The following NAA38 variants were observed in gnomAD, a reference collection of about 807,000 sequenced individuals.
The protein encoded by NAA38 is N-alpha-acetyltransferase 38, NatC auxiliary subunit, also known as LSM domain containing 1.
A neutral mutation model predicts 12.6 loss-of-function variants in NAA38; 15 were observed. The observed-to-expected ratio is 1.19, with a 90% CI of 0.79 to 1.83. NAA38 has a LOEUF of 1.83. NAA38 is among the 40% of genes most tolerant of loss of function. The pLI, the probability that NAA38 is intolerant of heterozygous loss-of-function variation, is 0.00. For missense variants in NAA38, 183 were observed against 171.7 expected (o/e 1.07, Z -0.37); for synonymous variants, 88 against 69.9 (o/e 1.26, Z -1.29).
chr17:7,877,512 G>C (rs1426413119), intron 2 of NAA38, among the ~76,000 whole-genome samples: 1 of 151,792 alleles, frequency 6.6e-6, no homozygotes. Context: ...CTGAGAACAT[G>C]TGCCCCAGTA....
rs1289891586 is a variant in NAA38, at chr17:7,857,469, C to T, written c.-6G>A. 9.2e-6 allele frequency: 14 copies of T among 1,525,958 alleles called. No homozygotes were observed. The highest frequency in any genetic ancestry group is 2.2e-5 in the Admixed American group (1 of 44,756). The allele number at this position is 1,525,958 out of a possible 1,614,324, so 94.5% of individuals were successfully genotyped here. A position where few individuals can be genotyped will look rare whatever the true frequency, so the allele number is the denominator to read the frequency against. ...GTCGGTCCAGCTCCGGCCATTTGCC[C>T]GGAGGCCTCCTCTGGGCCTTTCAAC... On this transcript the variant is annotated 5_prime_UTR_variant, in exon 1 of 3. Transcript: ENST00000575771.
chr17:7,858,704 G>A (rs780850227), upstream of NAA38: 12 of 1,611,050 alleles, frequency 7.4e-6, no homozygotes, highest in Middle Eastern at 1.6e-4. Context: ...GTTCGGACTG[G>A]GCCAACGATT....
upstream of NAA38, chr17:7,885,344 C>CCGCCGCCGCCGCCGCCGCCGCCGA (rs1967714798): frequency 2.2e-5 from 4 of 180,378 alleles, no homozygotes; most frequent in South Asian, 6.4e-4. Context: ...GCCGCCGCCG[C>CCGCCGCCGCCGCCGCCGCCGCCGA]CACCCCGGCT....
intron 2 of NAA38, among the ~76,000 whole-genome samples, chr17:7,873,955 G>C (rs1292621521): frequency 6.6e-6 from 1 of 152,166 alleles, no homozygotes; most frequent in Non-Finnish European, 1.5e-5. Flanking sequence ...AAGGATTCCT[G>C]AACAGAAACA....
intron 2 of NAA38, among the ~76,000 whole-genome samples, chr17:7,879,111 T>C (rs1036197513): frequency 1.3e-5 from 2 of 152,124 alleles, no homozygotes; most frequent in Non-Finnish European, 2.9e-5. Flanking sequence ...TGTGGCAACC[T>C]TTCTTAGCCA....
At chr17:7,877,996 AATTAG>A (rs1482874405) in intron 2 of NAA38, among the ~76,000 whole-genome samples, 2 of 152,168 alleles carry the variant, frequency 1.3e-5, no homozygotes, top group Non-Finnish European at 2.9e-5. Flanking sequence ...ATACCTATAA[AATTAG>A]ATTAAAGTGA....
chr17:7,875,736 A>G (rs1026404684), intron 2 of NAA38, among the ~76,000 whole-genome samples: 4 of 152,186 alleles, frequency 2.6e-5, no homozygotes, highest in African/African-American at 2.4e-5. Flanking sequence ...CTGTGCAACT[A>G]TCACCATTAT....
chr17:7,857,684 G>A (rs2078840000), upstream of NAA38: 8 of 1,321,538 alleles, frequency 6.1e-6, no homozygotes, highest in Non-Finnish European at 7.7e-6. Context: ...AAGATATCGC[G>A]AGACCTTTAC....
At chr17:7,862,161 G>C (rs1423566356), upstream of NAA38, 4 of 152,170 alleles carry the variant, frequency 2.6e-5, no homozygotes, top group Admixed American at 6.5e-5. Context: ...GCTGTAATAG[G>C]CTGGCTGCGC....
Position 7,857,509 on chromosome 17 carries a change from T to G in NAA38, c.-46A>C. The G allele has an allele frequency of 6.8e-7, 1 of 1,480,592 alleles. No individual in the cohort carries two copies. Among genetic ancestry groups the G allele is most frequent in the Non-Finnish European group, 8.9e-7 (1 of 1,117,490 alleles). The allele number at this position is 1,480,592 out of a possible 1,614,324, so 91.7% of individuals were successfully genotyped here. A position where few individuals can be genotyped will look rare whatever the true frequency, so the allele number is the denominator to read the frequency against. On this transcript the variant is annotated 5_prime_UTR_variant, in exon 1 of 3. Coordinates refer to ENST00000575771, the MANE Select transcript of NAA38 (RefSeq NM_001320925.4). Reference sequence around the variant, plus strand: ...GGCCTTTCAACTTCCTAAGCACCTTTCAGGTTGGGTGGTCCGAGATCTCGC... The same window carrying G: ...GGCCTTTCAACTTCCTAAGCACCTTGCAGGTTGGGTGGTCCGAGATCTCGC...
chr17:7,885,302 C>T (rs1300002247), upstream of NAA38: 2 of 188,892 alleles, frequency 1.1e-5, no homozygotes, highest in African/African-American at 5.4e-5. Context: ...CCGCCGCACC[C>T]CTCCCCCGCC....
intron 2 of NAA38, among the ~76,000 whole-genome samples, chr17:7,870,333 TACA>T (rs1252143935): frequency 6.6e-6 from 1 of 152,120 alleles, no homozygotes; most frequent in African/African-American, 2.4e-5. Flanking sequence ...AGACAACAAT[TACA>T]ACAATTTTAG....
chr17:7,861,151 G>C (rs1417146509), upstream of NAA38: 2 of 152,104 alleles, frequency 1.3e-5, no homozygotes, highest in African/African-American at 4.8e-5. Context: ...ATGACAGACA[G>C]TTGAACTTCC....
chr17:7,857,533 G>C lies in NAA38; in HGVS notation c.-70C>G. 6.8e-7 allele frequency: 1 copy of C among 1,464,674 alleles called. No individual in the cohort carries two copies. 90.7% of individuals were successfully genotyped at this position (1,464,674 alleles called of 1,614,324 possible). A position where few individuals can be genotyped will look rare whatever the true frequency, so the allele number is the denominator to read the frequency against. On this transcript the variant is annotated 5_prime_UTR_variant, in exon 1 of 3. Coordinates refer to ENST00000575771, the MANE Select transcript of NAA38 (RefSeq NM_001320925.4). ...TTCAGGTTGGGTGGTCCGAGATCTC[G>C]CGAGCGCTCCCGACCTCTTTCCTTT... is the stretch of plus-strand genomic sequence containing the variant.
intron 2 of NAA38, among the ~76,000 whole-genome samples, chr17:7,877,601 C>CTGTTACAAACAGTGT (rs1468508947): frequency 6.6e-6 from 1 of 152,032 alleles, no homozygotes; most frequent in African/African-American, 2.4e-5. Flanking sequence ...CAGTTTTTTG[C>CTGTTACAAACAGTGT]TGTTACAAAC....
At chr17:7,869,326 C>A (rs1276639256) in intron 2 of NAA38, among the ~76,000 whole-genome samples, 1 of 152,116 alleles carries the variant, frequency 6.6e-6, no homozygotes, top group Non-Finnish European at 1.5e-5. Flanking sequence ...TTTCTGACAC[C>A]AAAGCTCAAA....
At chr17:7,870,907 TGTAGA>T (rs1967075301) in intron 2 of NAA38, among the ~76,000 whole-genome samples, 1 of 148,236 alleles carries the variant, frequency 6.7e-6, no homozygotes, top group Non-Finnish European at 1.5e-5. Flanking sequence ...AAAAAAAAAT[TGTAGA>T]AACGGGGTCT....
At chr17:7,883,657 GA>G (rs1967364142) in intron 1 of NAA38, among the ~76,000 whole-genome samples, 1 of 151,800 alleles carries the variant, frequency 6.6e-6, no homozygotes, top group African/African-American at 2.4e-5. Context: ...AAAGAAAGCA[GA>G]AAAAAATCCA....
chr17:7,878,681 G>T (rs947918570), intron 2 of NAA38, among the ~76,000 whole-genome samples: 1 of 152,104 alleles, frequency 6.6e-6, no homozygotes, highest in African/African-American at 2.4e-5. Context: ...AGCTGAGATC[G>T]CGCCATTGCA....
Sources: allele counts gnomAD v4.1 joint callset (sites outside exome capture counted in the v4.1 genomes callset), GRCh38; gene constraint gnomAD v4.1.1; transcripts MANE v1.5; gene names NCBI Gene and HGNC (gene_info 2026-07-23, HGNC 2026-07-21).